Variants in PDZRN4 observed in about 807,000 individuals in gnomAD.
PDZRN4 encodes PDZ domain containing ring finger 4.
A neutral mutation model predicts 99.0 loss-of-function variants in PDZRN4; 70 were observed. The ratio of observed to expected loss-of-function variants is 0.71; its 90% CI spans 0.58 to 0.86. The LOEUF (loss-of-function observed/expected upper bound fraction) is 0.86, where lower values mean the gene tolerates loss of function less well. Among genes scored for constraint, PDZRN4 ranks in the 40% least tolerant of loss-of-function variants. PDZRN4 has a pLI of 0.00. For synonymous variants in PDZRN4, 551 were observed against 501.6 expected, an observed-to-expected ratio of 1.10 and a Z score of -1.32; for missense variants, 1,474 against 1,331.2, an observed-to-expected ratio of 1.11 and a Z score of -1.67.
chr12:41,574,099 T>A lies in PDZRN4; in HGVS notation c.*209T>A. ...TTGGCTGAGATCTTTCTTTTACTTG[T>A]GATATATTCATATTACTCGTTTATA... On this transcript the variant is annotated 3_prime_UTR_variant, in exon 10 of 10. Transcript: ENST00000402685. 5 of 379,950 alleles carry A rather than the reference T, an allele frequency of 1.3e-5. No individual in the cohort carries two copies. The allele number at this position is 379,950 out of a possible 1,614,324, so 23.5% of individuals were successfully genotyped here.
In PDZRN4 at chr12:41,352,895, C is replaced by T. The variant is rs79488485; in HGVS notation, c.844-153561C>T. Among the ~76,000 whole-genome samples the T allele has an allele frequency of 3.8e-3, 583 of 152,064 alleles. 1 individual carries two copies. The highest frequency in any genetic ancestry group is 5.5e-3 in the Non-Finnish European group (371 of 67,996). The stretch of plus-strand genomic sequence containing the variant: ...TGTGAAAAGGTAGCTAACAGTGTGA[C>T]AATATAAATGACAAAGACCATAATG... On this transcript the variant is annotated intron_variant, in intron 3 of 9. Transcript: ENST00000402685.
chr12:41,231,786 A>C (rs1951030993), intron 3 of PDZRN4, among the ~76,000 whole-genome samples: 2 of 152,090 alleles, frequency 1.3e-5, no homozygotes, highest in Admixed American at 1.3e-4. Flanking sequence ...TTACTAAACT[A>C]CATCTTGAGT....
At chr12:41,517,067 C>A (rs755639101) in intron 5 of PDZRN4, among the ~76,000 whole-genome samples, 1 of 151,926 alleles carries the variant, frequency 6.6e-6, no homozygotes, top group Non-Finnish European at 1.5e-5. Context: ...TCTTACTGAA[C>A]GAAACAAGAT....
chr12:41,506,696 T>C lies in PDZRN4; in HGVS notation c.1084T>C (p.Phe362Leu). The stretch of plus-strand genomic sequence containing the variant: ...CCCTCCAGTGCCAGACATCTGTCCA[T>C]TCCTGCTCTCAGACAGGTATTTTTC... ...PTPPVPDICP[F>L]LLSDSCHSLH... Residue 362 changes from phenylalanine (F) to leucine (L), a missense_variant, in exon 4 of 10, where the codon TTC (phenylalanine) becomes CTC (leucine). Coordinates refer to ENST00000402685, the MANE Select transcript of PDZRN4 (RefSeq NM_001164595.2). 2 of 1,610,936 alleles carry C rather than the reference T, an allele frequency of 1.2e-6. No homozygotes were observed. The highest frequency in any genetic ancestry group is 2.2e-5 in the East Asian group (1 of 44,784).
chr12:41,307,129 G>T (rs572617239), intron 3 of PDZRN4, among the ~76,000 whole-genome samples: 4 of 152,094 alleles, frequency 2.6e-5, no homozygotes, highest in Admixed American at 2.0e-4. Context: ...TTCAGTATTT[G>T]TTATAGCAGC....
At chr12:41,481,844 G>A (rs1252706891) in intron 3 of PDZRN4, among the ~76,000 whole-genome samples, 1 of 151,994 alleles carries the variant, frequency 6.6e-6, no homozygotes, top group Non-Finnish European at 1.5e-5. Flanking sequence ...TGCCAATGTA[G>A]TATATATTAC....
At chr12:41,537,337 A>G (rs1938766388) in intron 5 of PDZRN4, among the ~76,000 whole-genome samples, 1 of 152,206 alleles carries the variant, frequency 6.6e-6, no homozygotes, top group Non-Finnish European at 1.5e-5. Context: ...TCTATAATCA[A>G]CAATGAGATA....
intron 3 of PDZRN4, among the ~76,000 whole-genome samples, chr12:41,422,382 T>A (rs1412690220): frequency 6.6e-6 from 1 of 152,188 alleles, no homozygotes; most frequent in South Asian, 2.1e-4. Flanking sequence ...AGTAAATTTG[T>A]GTTGGTTATC....
intron 3 of PDZRN4, among the ~76,000 whole-genome samples, chr12:41,479,109 G>A (rs1171038892): frequency 1.3e-5 from 2 of 152,114 alleles, no homozygotes; most frequent in Non-Finnish European, 2.9e-5. Flanking sequence ...GACAGGAAGA[G>A]TCCAGGATTA....
rs114627029 is a variant in PDZRN4 at position 41,203,714 on chromosome 12, C to G, written c.843+9526C>G. Among the ~76,000 whole-genome samples, 1,044 of 152,056 alleles carry G rather than the reference C, an allele frequency of 6.9e-3. 7 individuals carry two copies. Among genetic ancestry groups the G allele is most frequent in the African/African-American group, 0.024 (1,007 of 41,514 alleles). ...GTAAGAGCTCCTGTATCTGTGCCTT[C>G]AACCATTGCTTAATACTACCTATTA... On this transcript the variant is annotated intron_variant, in intron 3 of 9. Coordinates refer to ENST00000402685, the MANE Select transcript of PDZRN4 (RefSeq NM_001164595.2).
At chr12:41,469,669 C>T (rs567462175) in intron 3 of PDZRN4, among the ~76,000 whole-genome samples, 72 of 152,232 alleles carry the variant, frequency 4.7e-4, no homozygotes, top group African/African-American at 1.5e-3. Flanking sequence ...GGGTGGCTCA[C>T]GCCTGTAATC....
At chr12:41,457,749 C>T (rs1351168535) in intron 3 of PDZRN4, among the ~76,000 whole-genome samples, 2 of 152,146 alleles carry the variant, frequency 1.3e-5, no homozygotes, top group Non-Finnish European at 1.5e-5. Context: ...TAATTGAAAG[C>T]ATTAGTAACT....
chr12:41,377,321 G>A (rs955964183), intron 3 of PDZRN4, among the ~76,000 whole-genome samples: 2 of 152,070 alleles, frequency 1.3e-5, no homozygotes, highest in Admixed American at 6.6e-5. Flanking sequence ...GTTAGTGTAT[G>A]GCTATTTTTA....
chr12:41,284,728 G>C (rs1222787110), intron 3 of PDZRN4, among the ~76,000 whole-genome samples: 1 of 152,060 alleles, frequency 6.6e-6, no homozygotes, highest in East Asian at 1.9e-4. Context: ...TCTGATCTTT[G>C]ACAAACCTGA....
intron 3 of PDZRN4, among the ~76,000 whole-genome samples, chr12:41,477,633 A>G (rs1374597072): frequency 6.6e-6 from 1 of 152,200 alleles, no homozygotes; most frequent in African/African-American, 2.4e-5. Context: ...ACAGAACCAC[A>G]AAAACATAAG....
intron 3 of PDZRN4, among the ~76,000 whole-genome samples, chr12:41,434,517 C>T (rs1952612527): frequency 3.3e-5 from 5 of 152,128 alleles, no homozygotes; most frequent in Admixed American, 3.3e-4. Context: ...TAAAGAGAAA[C>T]TCCCTCTCAT....
intron 9 of PDZRN4, among the ~76,000 whole-genome samples, chr12:41,568,977 G>A (rs1939428265): frequency 1.3e-5 from 2 of 150,816 alleles, no homozygotes; most frequent in Admixed American, 1.3e-4. Context: ...GCTAATTTTT[G>A]TATTTTTAAT....
intron 3 of PDZRN4, among the ~76,000 whole-genome samples, chr12:41,268,149 TAC>T (rs1951291170): frequency 6.6e-6 from 1 of 152,206 alleles, no homozygotes; most frequent in African/African-American, 2.4e-5. Flanking sequence ...TCCTATGTTG[TAC>T]AAGTCACATA....
At chr12:41,568,956 C>G (rs1257012384) in intron 9 of PDZRN4, among the ~76,000 whole-genome samples, 2 of 150,632 alleles carry the variant, frequency 1.3e-5, no homozygotes, top group African/African-American at 4.9e-5. Context: ...AGATGCCCAC[C>G]ACCATGCCCA....
Sources: allele counts gnomAD v4.1 joint callset (sites outside exome capture counted in the v4.1 genomes callset), GRCh38; gene constraint gnomAD v4.1.1; transcripts MANE v1.5; gene names NCBI Gene and HGNC (gene_info 2026-07-23, HGNC 2026-07-21).